The following PATJ variants were observed in gnomAD, a reference collection of about 807,000 sequenced individuals.
The protein encoded by PATJ is inaD-like protein.
PATJ carries 190 observed loss-of-function variants against 224.9 expected under a neutral mutation model. That is an observed-to-expected ratio of 0.84 (90% CI 0.75 to 0.95). PATJ has a LOEUF of 0.95. Among genes scored for constraint, PATJ ranks in the 40% least tolerant of loss-of-function variants. The pLI, the probability that PATJ is intolerant of heterozygous loss-of-function variation, is 0.00. For synonymous variants in PATJ, 769 were observed against 820.3 expected (o/e 0.94, Z 1.07); for missense variants, 2,121 against 2,270.3 (o/e 0.93, Z 1.34).
chr1:62,026,837 G>A (rs1648042385), intron 29 of PATJ, among the ~76,000 whole-genome samples: 1 of 152,006 alleles, frequency 6.6e-6, no homozygotes, highest in Non-Finnish European at 1.5e-5. Context: ...TTTCACCATA[G>A]GACCCAGCAA....
At chr1:61,834,454 CACA>C (rs1453033322) in intron 17 of PATJ, among the ~76,000 whole-genome samples, 1 of 152,060 alleles carries the variant, frequency 6.6e-6, no homozygotes, top group Non-Finnish European at 1.5e-5. Context: ...TGTAAAAGGT[CACA>C]ACAAGACATC....
At position 62,084,639 on chromosome 1, in the gene PATJ, C is replaced by T. The variant is rs1405913587; in HGVS notation, c.4368C>T (p.Asp1456=). 6.2e-7 allele frequency: 1 copy of T among 1,612,600 alleles called. No individual in the cohort carries two copies. Among genetic ancestry groups the T allele is most frequent in the Admixed American group, 1.7e-5 (1 of 59,776 alleles). The change falls in exon 33 of 44, where the codon GAC becomes GAT. Residue 1456 remains aspartate (D), a synonymous_variant. Coordinates refer to ENST00000642238, the MANE Select transcript of PATJ (RefSeq NM_001350145.3). ...GTCTCAGCATTGTGGGAGGAAAAGA[C>T]ACACCCTTGGTAAGTTTCTAGAAAT... ...GLGLSIVGGK[D]TPLNAIVIHE... is the part of the protein sequence containing the mutation.
At chr1:62,075,940 A>G (rs2148710260) in intron 31 of PATJ, among the ~76,000 whole-genome samples, 1 of 152,072 alleles carries the variant, frequency 6.6e-6, no homozygotes, top group East Asian at 1.9e-4. Flanking sequence ...AAAGAAAAGA[A>G]AAACACTGAC....
At chr1:62,064,030 G>A (rs992926899) in intron 31 of PATJ, among the ~76,000 whole-genome samples, 5 of 152,228 alleles carry the variant, frequency 3.3e-5, no homozygotes, top group African/African-American at 1.2e-4. Flanking sequence ...AGCACTTCCA[G>A]TACTATGTTG....
At chr1:61,772,334 G>T (rs562897633) in intron 6 of PATJ, among the ~76,000 whole-genome samples, 1 of 151,668 alleles carries the variant, frequency 6.6e-6, no homozygotes. Context: ...AATTATAAGG[G>T]GATTTATGAC....
At chr1:62,134,677 T>G (rs1381221674) in intron 41 of PATJ, among the ~76,000 whole-genome samples, 2 of 152,110 alleles carry the variant, frequency 1.3e-5, no homozygotes, top group African/African-American at 4.8e-5. Flanking sequence ...AAATCCTTTG[T>G]TTAGAAACTC....
chr1:61,796,297 A>G (rs1651086640), intron 10 of PATJ, among the ~76,000 whole-genome samples: 1 of 152,248 alleles, frequency 6.6e-6, no homozygotes, highest in Non-Finnish European at 1.5e-5. Flanking sequence ...ATTGGGCTTG[A>G]CATAGATTAA....
At chr1:61,783,352 A>G (rs1051608450) in intron 7 of PATJ, among the ~76,000 whole-genome samples, 3 of 152,082 alleles carry the variant, frequency 2.0e-5, no homozygotes, top group Non-Finnish European at 2.9e-5. Flanking sequence ...CCTGGAATCA[A>G]ACATAGTTAT....
At chr1:62,014,159 G>A (rs12070209) in intron 28 of PATJ, among the ~76,000 whole-genome samples, 3,068 of 152,192 alleles carry the variant, frequency 0.02, 101 homozygotes, top group African/African-American at 0.07. Flanking sequence ...GGACTGAAGC[G>A]ATCCTCCCAC....
intron 27 of PATJ, among the ~76,000 whole-genome samples, chr1:61,941,048 A>T (rs1254440553): frequency 6.6e-6 from 1 of 152,196 alleles, no homozygotes; most frequent in Non-Finnish European, 1.5e-5. Context: ...ATGCCATAGA[A>T]GCAATTGTAT....
chr1:61,823,196 CT>C, intron 15 of PATJ, 117 bp downstream of exon 15: 1 of 999,464 alleles, frequency 1.0e-6, no homozygotes, highest in Non-Finnish European at 1.5e-6. Context: ...ATATGAGCCT[CT>C]TAGATTGAAA....
At chr1:61,942,443 C>G (rs1677956347) in intron 27 of PATJ, among the ~76,000 whole-genome samples, 5 of 151,992 alleles carry the variant, frequency 3.3e-5, no homozygotes, top group African/African-American at 1.2e-4. Flanking sequence ...ACTGCACATT[C>G]ACTAGAATGA....
At chr1:62,042,797 C>A (rs1651770142) in intron 30 of PATJ, among the ~76,000 whole-genome samples, 1 of 152,060 alleles carries the variant, frequency 6.6e-6, no homozygotes, top group East Asian at 1.9e-4. Context: ...TAGGCACGTA[C>A]CATCATGCTT....
At chr1:62,137,478 G>A (rs79902886) in intron 41 of PATJ, among the ~76,000 whole-genome samples, 15 of 21,420 alleles carry the variant, frequency 7.0e-4, no homozygotes, top group Non-Finnish European at 9.4e-4. Context: ...GCAGCCTGAG[G>A]GGGAAATGCC....
intron 30 of PATJ, among the ~76,000 whole-genome samples, 163 bp from the exon 31 acceptor site, chr1:62,050,803 A>C (rs1283003418): frequency 6.6e-6 from 1 of 152,188 alleles, no homozygotes; most frequent in Non-Finnish European, 1.5e-5. Flanking sequence ...AACAACAACA[A>C]AACAGTCTTC....
rs1319975491 is a variant in PATJ at position 61,787,916 on chromosome 1, G to T, written c.1012G>T (p.Ala338Ser). The T allele has an allele frequency of 6.2e-7, 1 of 1,613,970 alleles. No individual in the cohort carries two copies. ...TGGTGACATTTCAGTCACCCCCCCT[G>T]CCCCTGCAGCCTTACCTGTTGCCCT... is the stretch of plus-strand genomic sequence containing the variant. ...PAGDISVTPP[A>S]PAALPVALPT... The change falls in exon 8 of 44, where the codon GCC becomes TCC. Residue 338 changes from alanine (A) to serine (S), a missense_variant. By Grantham distance (99) the Ala-to-Ser change is moderately conservative. Transcript: ENST00000642238.
chr1:61,758,243 A>G (rs533573351), intron 1 of PATJ, among the ~76,000 whole-genome samples: 1 of 152,280 alleles, frequency 6.6e-6, no homozygotes, highest in Non-Finnish European at 1.5e-5. Flanking sequence ...AAAGAATTTC[A>G]CTTTCTTCTA....
chr1:61,771,233 T>G (rs777890026), intron 5 of PATJ, among the ~76,000 whole-genome samples, 198 bp from the exon 6 acceptor site: 5 of 152,148 alleles, frequency 3.3e-5, no homozygotes, highest in Non-Finnish European at 7.3e-5. Context: ...TGTTTAAGGA[T>G]GCACTACCAA....
chr1:61,914,638 C>A lies in PATJ; in HGVS notation c.3544C>A (p.Gln1182Lys). The A allele has an allele frequency of 1.3e-6, 2 of 1,579,162 alleles. No homozygotes were observed. The highest frequency in any genetic ancestry group is 2.2e-5 in the South Asian group (2 of 90,210). ...CAACAAAATCACCGGTAACCAGAAC[C>A]AGGACACCCAAGAAAAGAAAGAAAA... ...KANKITGNQN[Q>K]DTQEKKEKRQ... The change falls in exon 26 of 44, where the codon CAG becomes AAG. Residue 1182 changes from glutamine (Q) to lysine (K), a missense_variant. Transcript: ENST00000642238.
Sources: gnomAD v4.1 joint callset for allele counts (sites outside exome capture counted in the v4.1 genomes callset) on GRCh38, gnomAD v4.1.1 for gene constraint, MANE v1.5 for transcripts, NCBI Gene and HGNC (gene_info 2026-07-23, HGNC 2026-07-21) for gene names.